UNC5C: variants seen among roughly 807,000 people sequenced by gnomAD.
The protein encoded by UNC5C is netrin receptor UNC5C.
A neutral mutation model predicts 99.8 loss-of-function variants in UNC5C; 47 were observed. The observed-to-expected ratio is 0.47, with a 90% CI of 0.37 to 0.60. UNC5C has a LOEUF of 0.60. Among genes scored for constraint, UNC5C ranks in the 20% least tolerant of loss-of-function variants. UNC5C has a pLI of 0.00. For synonymous variants in UNC5C, 487 were observed against 452.2 expected (o/e 1.08, Z -0.98); for missense variants, 1,062 against 1,165.9 (o/e 0.91, Z 1.30).
At chr4:95,484,236 G>A (rs1721261357) in intron 1 of UNC5C, among the ~76,000 whole-genome samples, 1 of 151,816 alleles carries the variant, frequency 6.6e-6, no homozygotes, top group Non-Finnish European at 1.5e-5. Flanking sequence ...TTTTTCCTCT[G>A]AGTGAAAAAT....
At chr4:95,465,680 A>G (rs1747751228) in intron 1 of UNC5C, among the ~76,000 whole-genome samples, 1 of 152,180 alleles carries the variant, frequency 6.6e-6, no homozygotes, top group Non-Finnish European at 1.5e-5. Context: ...TTTAGGATCT[A>G]CAGCAATTTG....
chr4:95,491,699 ATAAC>A (rs1721497350), intron 1 of UNC5C, among the ~76,000 whole-genome samples: 2 of 151,790 alleles, frequency 1.3e-5, no homozygotes, highest in African/African-American at 4.8e-5. Context: ...TAGTAAAATT[ATAAC>A]TATCAATTAT....
chr4:95,189,634 A>T (rs1219587107), intron 12 of UNC5C, among the ~76,000 whole-genome samples: 1 of 152,224 alleles, frequency 6.6e-6, no homozygotes, highest in Non-Finnish European at 1.5e-5. Flanking sequence ...GAACTCAAAC[A>T]AATTTACGAG....
At chr4:95,522,574 A>G (rs1056784084) in intron 1 of UNC5C, among the ~76,000 whole-genome samples, 3 of 151,756 alleles carry the variant, frequency 2.0e-5, no homozygotes, top group African/African-American at 7.3e-5. Flanking sequence ...AAAAAAGCTT[A>G]AAAAAATCAA....
chr4:95,434,072 A>C (rs185196882), intron 1 of UNC5C, among the ~76,000 whole-genome samples: 1 of 152,216 alleles, frequency 6.6e-6, no homozygotes, highest in African/African-American at 2.4e-5. Flanking sequence ...ATACATGTTT[A>C]TGTTTTCTTT....
chr4:95,312,213 G>A (rs1742302745), intron 2 of UNC5C, among the ~76,000 whole-genome samples: 1 of 152,014 alleles, frequency 6.6e-6, no homozygotes, highest in Non-Finnish European at 1.5e-5. Context: ...TAGTTTCTTA[G>A]GTGGCCACAC....
chr4:95,481,822 G>C (rs139148650), intron 1 of UNC5C, among the ~76,000 whole-genome samples: 83,806 of 151,628 alleles, frequency 0.55, 24,004 homozygotes, highest in African/African-American at 0.7. Context: ...AAAGCTGAAA[G>C]TGGATCCCTT....
chr4:95,219,085 A>C lies in UNC5C; in HGVS notation c.1529T>G (p.Leu510Trp), dbSNP rs760152083. ...KLSPQMTQSL[L>W]ENEALSLKNQ... ...CTTCAGGCTGAGGGCTTCATTCTCC[A>C]ACAACGACTGGGTCATCTGAGGGGA... Residue 510 changes from leucine (L) to tryptophan (W), a missense_variant, in exon 9 of 16, where the codon TTG becomes TGG. By Grantham distance (61) the Leu-to-Trp change is moderately conservative. This residue lies in a region of UNC5C where 810 missense variants were observed against 854.5 expected (regional missense o/e 0.95). Coordinates refer to ENST00000453304, the MANE Select transcript of UNC5C (RefSeq NM_003728.4). The C allele has an allele frequency of 1.9e-6, 3 of 1,614,180 alleles. No individual in the cohort carries two copies. The highest frequency in any genetic ancestry group is 2.5e-6 in the Non-Finnish European group (3 of 1,180,018).
chr4:95,505,353 T>C (rs1379360437), intron 1 of UNC5C, among the ~76,000 whole-genome samples: 2 of 152,068 alleles, frequency 1.3e-5, no homozygotes, highest in Non-Finnish European at 2.9e-5. Flanking sequence ...AAATAAACTG[T>C]GGAAACATTT....
intron 3 of UNC5C, among the ~76,000 whole-genome samples, chr4:95,279,582 C>G (rs539148394): frequency 5.3e-5 from 8 of 152,294 alleles, no homozygotes; most frequent in African/African-American, 1.7e-4. Context: ...TTTGAAGCAG[C>G]ATTTTTTTAA....
chr4:95,190,055 G>A lies in UNC5C; in HGVS notation c.2137-4859C>T, dbSNP rs564889314. Among the ~76,000 whole-genome samples the A allele has an allele frequency of 5.7e-3, 868 of 152,128 alleles. 5 individuals are homozygous for A. Among genetic ancestry groups the A allele is most frequent in the African/African-American group, 0.02 (817 of 41,470 alleles). On this transcript the variant is annotated intron_variant, in intron 12 of 15. Transcript: ENST00000453304. ...ACACATGCACATGTATGTTTATTGC[G>A]GCACTATTCACAATAGCAAAGACTT...
At position 95,400,384 on chromosome 4, in the gene UNC5C, C is replaced by CTTTTTT. The variant is rs1171870515; in HGVS notation, c.125-64759_125-64754dup. Among the ~76,000 whole-genome samples the CTTTTTT allele has an allele frequency of 3.2e-3, 208 of 65,794 alleles. 33 individuals carry two copies. Among genetic ancestry groups the CTTTTTT allele is most frequent in the South Asian group, 0.017 (26 of 1,508 alleles). 43.2% of individuals were successfully genotyped at this position (65,794 alleles called of 152,430 possible). Reference sequence around the variant, plus strand: ...TTCCACAGCCACAGTGAGATGAATTCTTTTTTTTTTTTTTTTTTTTTTTTT... The same window carrying CTTTTTT: ...TTCCACAGCCACAGTGAGATGAATTCTTTTTTTTTTTTTTTTTTTTTTTTTTTTTTT... On this transcript the variant is annotated intron_variant, in intron 1 of 15. Coordinates refer to ENST00000453304, the MANE Select transcript of UNC5C (RefSeq NM_003728.4).
chr4:95,441,464 G>A (rs1482892032), intron 1 of UNC5C, among the ~76,000 whole-genome samples: 1 of 152,086 alleles, frequency 6.6e-6, no homozygotes, highest in Non-Finnish European at 1.5e-5. Flanking sequence ...ATATGCCCAG[G>A]TTGTTTTATT....
At chr4:95,353,084 T>C (rs1744046356) in intron 1 of UNC5C, among the ~76,000 whole-genome samples, 1 of 152,202 alleles carries the variant, frequency 6.6e-6, no homozygotes, top group Non-Finnish European at 1.5e-5. Context: ...ACTTATTTAT[T>C]CTGCACTTAA....
intron 1 of UNC5C, among the ~76,000 whole-genome samples, chr4:95,482,760 C>A (rs1445861245): frequency 8.6e-6 from 1 of 116,082 alleles, no homozygotes; most frequent in African/African-American, 3.6e-5. Flanking sequence ...ATCGCAAGGA[C>A]AAAAAACCAA....
chr4:95,215,962 AAG>A (rs1233230684), intron 10 of UNC5C, 160 bp downstream of exon 10: 4 of 522,584 alleles, frequency 7.7e-6, no homozygotes, highest in Non-Finnish European at 1.0e-5. Flanking sequence ...CTCAAAGACA[AAG>A]AGAAGTAAAA....
intron 12 of UNC5C, among the ~76,000 whole-genome samples, chr4:95,197,241 T>G (rs1004467116): frequency 8.0e-5 from 12 of 150,840 alleles, no homozygotes; most frequent in Admixed American, 7.3e-4. Flanking sequence ...GCTCCAGACA[T>G]TGGGGCAGTC....
chr4:95,398,343 G>A (rs1441731666), intron 1 of UNC5C, among the ~76,000 whole-genome samples: 2 of 152,016 alleles, frequency 1.3e-5, no homozygotes, highest in Non-Finnish European at 2.9e-5. Flanking sequence ...CCTGACCCCA[G>A]TGCTCCCCAA....
intron 4 of UNC5C, among the ~76,000 whole-genome samples, chr4:95,254,857 C>T (rs1183842312): frequency 6.6e-6 from 1 of 152,192 alleles, no homozygotes; most frequent in Non-Finnish European, 1.5e-5. Flanking sequence ...ATTTGTTTCT[C>T]AGACTTTCAA....
Sources: gnomAD v4.1 joint callset for allele counts (sites outside exome capture counted in the v4.1 genomes callset) on GRCh38, gnomAD v4.1.1 for gene constraint, gnomAD v4.1.1 regional missense constraint, MANE v1.5 for transcripts, NCBI Gene and HGNC (gene_info 2026-07-23, HGNC 2026-07-21) for gene names.